PARD3: variants seen among roughly 807,000 people sequenced by gnomAD.
PARD3 encodes the protein partitioning defective 3 homolog.
PARD3 carries 75 observed loss-of-function variants against 155.4 expected under a neutral mutation model. The observed-to-expected ratio is 0.48, with a 90% CI of 0.40 to 0.58. The LOEUF is 0.58. Ranked by LOEUF, PARD3 falls within the 20% of genes least tolerant of loss-of-function variation. The pLI is 0.00. For missense variants in PARD3, 1,642 were observed against 1,721.7 expected (o/e 0.95, Z 0.82); for synonymous variants, 576 against 610.5 (o/e 0.94, Z 0.83).
intron 19 of PARD3, among the ~76,000 whole-genome samples, chr10:34,325,849 G>A (rs1265949502): frequency 3.9e-5 from 6 of 151,928 alleles, no homozygotes; most frequent in African/African-American, 1.5e-4. Flanking sequence ...GGGGCCTGGT[G>A]CGGTGGCTCA....
intron 4 of PARD3, among the ~76,000 whole-genome samples, chr10:34,451,432 G>A (rs1159633739): frequency 6.6e-6 from 1 of 152,128 alleles, no homozygotes; most frequent in Non-Finnish European, 1.5e-5. Context: ...AGTATTACAT[G>A]TGTGATTGAT....
chr10:34,462,791 C>CA (rs1161455385), intron 4 of PARD3, among the ~76,000 whole-genome samples: 2 of 151,026 alleles, frequency 1.3e-5, no homozygotes, highest in Non-Finnish European at 2.9e-5. Flanking sequence ...GTAAGCCATG[C>CA]ACTGAACTCC....
intron 16 of PARD3, among the ~76,000 whole-genome samples, chr10:34,339,756 G>A (rs1229258798): frequency 1.3e-5 from 2 of 152,192 alleles, no homozygotes; most frequent in Non-Finnish European, 2.9e-5. Flanking sequence ...TTGTGCATTA[G>A]TAAGAGTCTT....
At chr10:34,241,956 A>T (rs1953627388) in intron 22 of PARD3, among the ~76,000 whole-genome samples, 1 of 130,538 alleles carries the variant, frequency 7.7e-6, no homozygotes, top group Admixed American at 7.8e-5. Flanking sequence ...AGTCTCTTTT[A>T]AAAAAAAAAT....
chr10:34,209,073 T>TA (rs1295354183), intron 22 of PARD3, among the ~76,000 whole-genome samples: 2 of 152,182 alleles, frequency 1.3e-5, no homozygotes, highest in Non-Finnish European at 2.9e-5. Flanking sequence ...TGACTAGGAA[T>TA]AAAAAATGTA....
At chr10:34,604,472 G>A (rs912409102) in intron 2 of PARD3, among the ~76,000 whole-genome samples, 6 of 151,790 alleles carry the variant, frequency 4.0e-5, no homozygotes, top group Non-Finnish European at 5.9e-5. Context: ...AAGATCTTCC[G>A]TTTTGGGACT....
At chr10:34,508,024 T>C (rs2081190010) in intron 3 of PARD3, among the ~76,000 whole-genome samples, 1 of 152,136 alleles carries the variant, frequency 6.6e-6, no homozygotes, top group African/African-American at 2.4e-5. Flanking sequence ...ACCAAAGGTG[T>C]TGGATATTCT....
intron 22 of PARD3, among the ~76,000 whole-genome samples, chr10:34,155,802 G>T (rs1003104859): frequency 8.6e-5 from 13 of 151,998 alleles, no homozygotes; most frequent in African/African-American, 1.7e-4. Flanking sequence ...ACCATGGGGG[G>T]TCATGCAGAC....
At chr10:34,242,940 A>T (rs903307413) in intron 22 of PARD3, among the ~76,000 whole-genome samples, 1 of 152,216 alleles carries the variant, frequency 6.6e-6, no homozygotes, top group Non-Finnish European at 1.5e-5. Context: ...ATCTCAAAAA[A>T]TGATAATAAC....
chr10:34,432,475 A>G (rs558463191), intron 5 of PARD3, among the ~76,000 whole-genome samples: 1 of 152,112 alleles, frequency 6.6e-6, no homozygotes, highest in Non-Finnish European at 1.5e-5. Flanking sequence ...TGGGAGACAC[A>G]GAGCAAAATT....
At chr10:34,608,925 G>A (rs1294472604) in intron 2 of PARD3, among the ~76,000 whole-genome samples, 2 of 152,130 alleles carry the variant, frequency 1.3e-5, no homozygotes, top group Non-Finnish European at 2.9e-5. Flanking sequence ...ATCATCTACA[G>A]TCTACAGGAG....
At chr10:34,644,519 T>C (rs1044019780) in intron 2 of PARD3, among the ~76,000 whole-genome samples, 6 of 151,950 alleles carry the variant, frequency 3.9e-5, no homozygotes, top group Admixed American at 2.6e-4. Flanking sequence ...GTTTCAGGCA[T>C]GTTAAACCCT....
At chr10:34,439,137 CTT>C (rs1185278204) in intron 5 of PARD3, among the ~76,000 whole-genome samples, 1 of 152,150 alleles carries the variant, frequency 6.6e-6, no homozygotes, top group Non-Finnish European at 1.5e-5. Flanking sequence ...AGAGTGAAAA[CTT>C]TGGTGTTTGA....
chr10:34,221,848 T>C (rs1156678192), intron 22 of PARD3, among the ~76,000 whole-genome samples: 5 of 152,356 alleles, frequency 3.3e-5, no homozygotes, highest in Middle Eastern at 3.4e-3. Context: ...CACCATTCTA[T>C]TGACAATGCA....
chr10:34,603,697 A>G (rs75433992), intron 2 of PARD3, among the ~76,000 whole-genome samples: 2,614 of 152,328 alleles, frequency 0.017, 70 homozygotes, highest in African/African-American at 0.06. Context: ...AACATATTAG[A>G]CAGGGAGTAG....
At chr10:34,594,869 T>TGAG (rs2134406104) in intron 2 of PARD3, among the ~76,000 whole-genome samples, 1 of 152,264 alleles carries the variant, frequency 6.6e-6, no homozygotes, top group African/African-American at 2.4e-5. Context: ...GTCAGTCAGA[T>TGAG]GAGGGCTTTT....
intron 1 of PARD3, among the ~76,000 whole-genome samples, chr10:34,766,558 G>C (rs1838120674): frequency 7.0e-6 from 1 of 142,510 alleles, no homozygotes; most frequent in African/African-American, 2.7e-5. Context: ...ACATTCTAAT[G>C]AGACTAGACA....
chr10:34,596,573 T>C (rs1405608574), intron 2 of PARD3, among the ~76,000 whole-genome samples: 2 of 152,052 alleles, frequency 1.3e-5, no homozygotes, highest in East Asian at 1.9e-4. Context: ...AAGAACAGCA[T>C]AGGGGAACTT....
chr10:34,119,676 C>A lies in PARD3; in HGVS notation c.3605G>T (p.Arg1202Leu), dbSNP rs61735569. ...GCTCTCGCGCTCCTCCTGCCGCTGC[C>A]GCTGCATCTGCACCTCCACGGACAC... ...HSVSVEVQMQRQRQEERESSQ... is the reference protein window; with the variant it reads ...HSVSVEVQMQLQRQEERESSQ... Residue 1202 changes from arginine (R) to leucine (L), a missense_variant, in exon 24 of 25, where the codon CGG becomes CTG. By Grantham distance (102) the Arg-to-Leu change is moderately radical. Transcript: ENST00000374788. The A allele has an allele frequency of 1.9e-5, 30 of 1,612,540 alleles. No individual in the cohort carries two copies. The highest frequency in any genetic ancestry group is 2.4e-5 in the Non-Finnish European group (28 of 1,179,554).
Sources: gnomAD v4.1 joint callset for allele counts (sites outside exome capture counted in the v4.1 genomes callset) on GRCh38, gnomAD v4.1.1 for gene constraint, MANE v1.5 for transcripts, NCBI Gene and HGNC (gene_info 2026-07-23, HGNC 2026-07-21) for gene names.